Variants in NEK1 observed in about 807,000 individuals in gnomAD.
NEK1 encodes NIMA related kinase 1.
In NEK1, 137 loss-of-function variants were observed where a neutral mutation model predicts 182.1. The observed-to-expected ratio is 0.75, with a 90% CI of 0.65 to 0.87. The LOEUF is 0.87. Among genes scored for constraint, NEK1 ranks in the 40% least tolerant of loss-of-function variants. NEK1 has a pLI of 0.00. For missense variants in NEK1, 1,391 were observed against 1,494.4 expected, an observed-to-expected ratio of 0.93 and a Z score of 1.14; for synonymous variants, 513 against 492.2, an observed-to-expected ratio of 1.04 and a Z score of -0.56.
At chr4:169,554,389 AG>A (rs1384076706) in intron 18 of NEK1, 2 of 149,656 alleles carry the variant, frequency 1.3e-5, no homozygotes, top group Non-Finnish European at 3.0e-5. Context: ...ATTGCACTCC[AG>A]CCTGGGGATA....
At chr4:169,466,415 T>G (rs1330441927) in intron 26 of NEK1, among the ~76,000 whole-genome samples, 1 of 149,168 alleles carries the variant, frequency 6.7e-6, no homozygotes, top group Non-Finnish European at 1.5e-5. Flanking sequence ...TGAAAAGGAG[T>G]CAGAGAAAAA....
At chr4:169,431,522 AGACT>A (rs1561175320) in intron 29 of NEK1, among the ~76,000 whole-genome samples, 1 of 28,930 alleles carries the variant, frequency 3.5e-5, no homozygotes, top group Non-Finnish European at 6.8e-5. Flanking sequence ...TACTGTAGAC[AGACT>A]AATAGGAAAA....
chr4:169,537,711 G>A, intron 19 of NEK1, 98 bp downstream of exon 19: 1 of 910,780 alleles, frequency 1.1e-6, no homozygotes, highest in Non-Finnish European at 1.8e-6. Flanking sequence ...TGCCTAGATT[G>A]TTAGACTGTC....
rs183713673 is a variant in NEK1, at chr4:169,577,506, G to T, written c.869-427C>A. 4.0e-3 allele frequency among the ~76,000 whole-genome samples: 606 copies of T among 152,244 alleles called. 7 individuals carry two copies. The highest frequency in any genetic ancestry group is 0.014 in the African/African-American group (580 of 41,562). ...ATAAAGGCCAAGCGCGGTGGCTCAC[G>T]CCTGTAATCCCAGCACTTTGGGAGG... On this transcript the variant is annotated intron_variant, in intron 11 of 35. Coordinates refer to ENST00000507142, the MANE Select transcript of NEK1 (RefSeq NM_001199397.3).
At chr4:169,442,242 C>G (rs1301432408) in intron 27 of NEK1, among the ~76,000 whole-genome samples, 6 of 152,190 alleles carry the variant, frequency 3.9e-5, no homozygotes, top group Non-Finnish European at 7.3e-5. Flanking sequence ...TGAGGACTGG[C>G]TCAACTGGCT....
At chr4:169,491,237 T>G (rs1718465080) in intron 23 of NEK1, among the ~76,000 whole-genome samples, 1 of 150,552 alleles carries the variant, frequency 6.6e-6, no homozygotes, top group African/African-American at 2.5e-5. Context: ...TTGGGAGTGA[T>G]ATGGTCATCC....
intron 9 of NEK1, among the ~76,000 whole-genome samples, chr4:169,587,275 C>A (rs1457498981): frequency 6.6e-6 from 1 of 151,742 alleles, no homozygotes; most frequent in East Asian, 1.9e-4. Context: ...ATATCAAATT[C>A]ATACAAAATT....
At chr4:169,573,247 A>C (rs1157041052) in intron 12 of NEK1, among the ~76,000 whole-genome samples, 1 of 152,230 alleles carries the variant, frequency 6.6e-6, no homozygotes, top group African/African-American at 2.4e-5. Context: ...TAATTGTGGG[A>C]AAGTTTTCTT....
chr4:169,403,647 T>C (rs1732068599), intron 32 of NEK1, among the ~76,000 whole-genome samples: 1 of 152,108 alleles, frequency 6.6e-6, no homozygotes, highest in African/African-American at 2.4e-5. Context: ...AATGAGTAAA[T>C]ATTGACCTGT....
intron 19 of NEK1, among the ~76,000 whole-genome samples, chr4:169,512,716 A>C (rs190641394): frequency 9.2e-5 from 14 of 151,962 alleles, no homozygotes; most frequent in Middle Eastern, 3.4e-3. Flanking sequence ...TTCTCTTTTT[A>C]CTAGAAGTTT....
chr4:169,536,296 CA>C (rs386402227), intron 19 of NEK1, among the ~76,000 whole-genome samples: 5,472 of 90,310 alleles, frequency 0.061, 222 homozygotes, highest in African/African-American at 0.14. Flanking sequence ...GAGTTTGTCT[CA>C]AAAAAAAAAA....
intron 11 of NEK1, among the ~76,000 whole-genome samples, chr4:169,577,801 T>A (rs1765959026): frequency 6.6e-6 from 1 of 151,836 alleles, no homozygotes; most frequent in Non-Finnish European, 1.5e-5. Flanking sequence ...AAATTCACAT[T>A]TTAGAAACTA....
intron 27 of NEK1, among the ~76,000 whole-genome samples, chr4:169,439,845 C>CTTTT (rs33985502): frequency 8.0e-4 from 93 of 116,342 alleles, no homozygotes; most frequent in Non-Finnish European, 1.0e-3. Context: ...GTTAGGGTAT[C>CTTTT]TTTTTTTTTT....
At chr4:169,573,109 A>G (rs1476453099) in intron 12 of NEK1, among the ~76,000 whole-genome samples, 3 of 152,254 alleles carry the variant, frequency 2.0e-5, no homozygotes, top group African/African-American at 7.2e-5. Flanking sequence ...AAAGTCCTTT[A>G]GCAGGCAAAA....
intron 23 of NEK1, among the ~76,000 whole-genome samples, chr4:169,481,822 C>T (rs115019782): frequency 0.043 from 6,581 of 152,244 alleles, 498 homozygotes; most frequent in African/African-American, 0.15. Context: ...AGAGAGTCAG[C>T]CAGTCTTTTG....
At chr4:169,567,647 G>T (rs1763934378) in intron 12 of NEK1, among the ~76,000 whole-genome samples, 1 of 152,136 alleles carries the variant, frequency 6.6e-6, no homozygotes, top group Admixed American at 6.5e-5. Flanking sequence ...ACCTGCCTCG[G>T]CCTCCCAAAG....
chr4:169,485,895 C>T (rs1748950935), intron 23 of NEK1, among the ~76,000 whole-genome samples: 1 of 151,584 alleles, frequency 6.6e-6, no homozygotes, highest in South Asian at 2.1e-4. Context: ...CAAATAAGAA[C>T]ATTAGCTTAT....
chr4:169,508,147 G>T, intron 21 of NEK1, 101 bp downstream of exon 21: 1 of 1,007,518 alleles, frequency 9.9e-7, no homozygotes, highest in Non-Finnish European at 1.4e-6. Flanking sequence ...GTCGTCATCA[G>T]TTTTGTTGTT....
chr4:169,483,914 A>G (rs923887806), intron 23 of NEK1, among the ~76,000 whole-genome samples: 8 of 151,522 alleles, frequency 5.3e-5, no homozygotes, highest in African/African-American at 1.9e-4. Context: ...AAAAATATCT[A>G]GAGCTCACCT....
Sources: gnomAD v4.1 joint callset for allele counts (sites outside exome capture counted in the v4.1 genomes callset) on GRCh38, gnomAD v4.1.1 for gene constraint, MANE v1.5 for transcripts, NCBI Gene and HGNC (gene_info 2026-07-23, HGNC 2026-07-21) for gene names.